SLC39A8: variants seen among roughly 807,000 people sequenced by gnomAD.
SLC39A8 encodes the protein metal cation symporter ZIP8.
A neutral mutation model predicts 40.4 loss-of-function variants in SLC39A8; 15 were observed. The ratio of observed to expected loss-of-function variants is 0.37; its 90% confidence interval spans 0.25 to 0.57. The LOEUF (loss-of-function observed/expected upper bound fraction) is 0.57, where lower values mean the gene tolerates loss of function less well. Ranked by LOEUF, SLC39A8 falls within the 20% of genes least tolerant of loss-of-function variation. SLC39A8 has a pLI of 0.75. For synonymous variants in SLC39A8, 223 were observed against 221.6 expected (o/e 1.01, Z -0.06); for missense variants, 472 against 558.8 (o/e 0.84, Z 1.57).
chr4:102,337,844 T>TA (rs1179106240), intron 2 of SLC39A8, among the ~76,000 whole-genome samples: 1 of 152,138 alleles, frequency 6.6e-6, no homozygotes, highest in South Asian at 2.1e-4. Flanking sequence ...TATAGTCCCT[T>TA]AAAAAAATTC....
intron 6 of SLC39A8, among the ~76,000 whole-genome samples, chr4:102,303,281 T>C (rs926866498): frequency 1.6e-4 from 25 of 151,988 alleles, no homozygotes; most frequent in Non-Finnish European, 3.4e-4. Flanking sequence ...AGTGATACTA[T>C]CTTTTCAGCA....
chr4:102,280,348 A>T (rs1006476205), intron 6 of SLC39A8, among the ~76,000 whole-genome samples: 4 of 152,290 alleles, frequency 2.6e-5, no homozygotes, highest in Admixed American at 2.0e-4. Context: ...TGAGTAGGCC[A>T]TCTCTCTCTG....
chr4:102,290,223 T>A lies in SLC39A8; in HGVS notation c.840+14094A>T, dbSNP rs188303610. 5.6e-4 allele frequency among the ~76,000 whole-genome samples: 85 copies of A among 152,306 alleles called. 1 individual carries two copies. Among genetic ancestry groups the A allele is most frequent in the Non-Finnish European group, 2.8e-4 (19 of 68,020 alleles). ...GCACTTTTTAGCAATAAGGTATTTT[T>A]AAATTAAGATATCAATGTCATTGTT... On this transcript the variant is annotated intron_variant, in intron 6 of 8. Coordinates refer to ENST00000356736, the MANE Select transcript of SLC39A8 (RefSeq NM_001135146.2).
chr4:102,262,901 C>T lies in SLC39A8; in HGVS notation c.*143G>A. 7 of 1,406,910 alleles carry T rather than the reference C, an allele frequency of 5.0e-6. No individual in the cohort carries two copies. Among genetic ancestry groups the T allele is most frequent in the Non-Finnish European group, 5.5e-6 (6 of 1,083,922 alleles). The allele number at this position is 1,406,910 out of a possible 1,614,324, so 87.2% of individuals were successfully genotyped here. A position where few individuals can be genotyped will look rare whatever the true frequency, so the allele number is the denominator to read the frequency against. On this transcript the variant is annotated 3_prime_UTR_variant, in exon 9 of 9. Transcript: ENST00000356736. ...AACAAATAATGGACTATTTCACAGA[C>T]TGATGCCAATAATTAGTTTTCTGGA...
intron 2 of SLC39A8, chr4:102,324,177 A>T (rs957089722): frequency 1.5e-5 from 3 of 198,970 alleles, no homozygotes; most frequent in Admixed American, 5.7e-5. Context: ...CGGGCAGATC[A>T]TGAGGTCAAG....
intron 8 of SLC39A8, among the ~76,000 whole-genome samples, chr4:102,266,140 T>C (rs1732085692): frequency 6.6e-6 from 1 of 152,210 alleles, no homozygotes; most frequent in African/African-American, 2.4e-5. Flanking sequence ...TGTTGTTTAA[T>C]TTAAGGATCC....
intron 2 of SLC39A8, among the ~76,000 whole-genome samples, chr4:102,336,460 T>C (rs2149054660): frequency 6.6e-6 from 1 of 152,334 alleles, no homozygotes; most frequent in Middle Eastern, 3.4e-3. Flanking sequence ...GTTACAATTA[T>C]GGTTTATTTT....
intron 6 of SLC39A8, among the ~76,000 whole-genome samples, chr4:102,285,165 C>A (rs1733106409): frequency 6.6e-6 from 1 of 152,048 alleles, no homozygotes; most frequent in African/African-American, 2.4e-5. Context: ...AGTAATAATA[C>A]CTTAATCACT....
At chr4:102,285,653 G>A (rs1388820604) in intron 6 of SLC39A8, among the ~76,000 whole-genome samples, 1 of 149,244 alleles carries the variant, frequency 6.7e-6, no homozygotes, top group Non-Finnish European at 1.5e-5. Flanking sequence ...GTGTGCATGT[G>A]TGTATGTGTG....
intron 6 of SLC39A8, among the ~76,000 whole-genome samples, chr4:102,297,364 T>A (rs950841246): frequency 6.6e-6 from 1 of 152,134 alleles, no homozygotes; most frequent in Admixed American, 6.5e-5. Flanking sequence ...ATCTGCAAGA[T>A]GGAAATAATA....
At chr4:102,273,634 C>G (rs1035283192) in intron 6 of SLC39A8, among the ~76,000 whole-genome samples, 7 of 152,204 alleles carry the variant, frequency 4.6e-5, no homozygotes, top group African/African-American at 9.7e-5. Flanking sequence ...GTCCCTGACC[C>G]CTGTGCCTCC....
intron 2 of SLC39A8, among the ~76,000 whole-genome samples, chr4:102,330,806 C>T (rs1735418645): frequency 6.6e-6 from 1 of 152,182 alleles, no homozygotes; most frequent in Non-Finnish European, 1.5e-5. Context: ...TCCAGCAGCA[C>T]ATCAAAAAGC....
At chr4:102,305,490 T>C (rs1734129364) in intron 4 of SLC39A8, among the ~76,000 whole-genome samples, 1 of 151,990 alleles carries the variant, frequency 6.6e-6, no homozygotes, top group African/African-American at 2.4e-5. Flanking sequence ...GAGATATTGA[T>C]TACCTACTGT....
chr4:102,320,153 T>A (rs976179751), intron 2 of SLC39A8, among the ~76,000 whole-genome samples: 2 of 122,108 alleles, frequency 1.6e-5, no homozygotes, highest in Non-Finnish European at 3.3e-5. Flanking sequence ...CCTCATAATC[T>A]CTCATATATA....
At chr4:102,302,531 T>G (rs1490333853) in intron 6 of SLC39A8, among the ~76,000 whole-genome samples, 1 of 152,030 alleles carries the variant, frequency 6.6e-6, no homozygotes, top group Non-Finnish European at 1.5e-5. Flanking sequence ...AAATTATTTT[T>G]CCCCACTACA....
At chr4:102,267,718 T>A (rs759586442) in intron 7 of SLC39A8, 44 bp from the exon 8 acceptor site, 142 of 1,547,900 alleles carry the variant, frequency 9.2e-5, no homozygotes, top group East Asian at 1.1e-4. Flanking sequence ...GTTTTTTTTT[T>A]ATTTCTGGAT....
chr4:102,320,147 A>C (rs908251193), intron 2 of SLC39A8, among the ~76,000 whole-genome samples: 8 of 133,578 alleles, frequency 6.0e-5, no homozygotes, highest in Non-Finnish European at 1.3e-4. Flanking sequence ...CCAATTCCTC[A>C]TAATCTCTCA....
At chr4:102,328,142 T>C (rs1201566549) in intron 2 of SLC39A8, among the ~76,000 whole-genome samples, 1 of 150,578 alleles carries the variant, frequency 6.6e-6, no homozygotes, top group Non-Finnish European at 1.5e-5. Flanking sequence ...TGTACTATTC[T>C]TTTAGGTTTT....
intron 11 of SLC39A8, among the ~76,000 whole-genome samples, chr4:102,256,186 C>T (rs1008139126): frequency 3.3e-5 from 5 of 152,182 alleles, no homozygotes; most frequent in African/African-American, 9.7e-5. Flanking sequence ...TATTTATAAG[C>T]ATTGCTGTGA....
Sources: gnomAD v4.1 joint callset for allele counts (sites outside exome capture counted in the v4.1 genomes callset) on GRCh38, gnomAD v4.1.1 for gene constraint, MANE v1.5 for transcripts, NCBI Gene and HGNC (gene_info 2026-07-23, HGNC 2026-07-21) for gene names.